Variants in RANBP2 observed in about 807,000 individuals in gnomAD.
RANBP2 encodes the protein E3 SUMO-protein ligase RanBP2.
Under a neutral mutation model 303.6 loss-of-function variants are expected in RANBP2, and 57 were observed. The observed-to-expected ratio is 0.19, with a 90% CI of 0.15 to 0.23. The LOEUF (loss-of-function observed/expected upper bound fraction) is 0.23. RANBP2 is among the 10% of genes least tolerant of loss of function. The pLI, the probability that RANBP2 is intolerant of heterozygous loss-of-function variation, is 1.00. For synonymous variants in RANBP2, 1,167 were observed against 1,301.5 expected (o/e 0.90, Z 2.23); for missense variants, 3,138 against 3,780.8 (o/e 0.83, Z 4.46).
At chr2:109,210,687 C>T in the RANBP2 span, among the ~76,000 whole-genome samples, 1 of 152,066 alleles carries the variant, frequency 6.6e-6, no homozygotes, top group Non-Finnish European at 1.5e-5. Flanking sequence ...GTGGGAGGCC[C>T]AGGAAGGAGG....
At chr2:109,544,903 C>T in the RANBP2 span, 1 of 940,650 alleles carries the variant, frequency 1.1e-6, no homozygotes, top group Non-Finnish European at 1.3e-6. Flanking sequence ...AAAGATCATA[C>T]ATGAGAATTC....
the RANBP2 span, among the ~76,000 whole-genome samples, chr2:108,968,226 C>T: frequency 6.6e-6 from 1 of 152,094 alleles, no homozygotes; most frequent in African/African-American, 2.4e-5. Flanking sequence ...CGCCAGAGAG[C>T]CTGTTGGAAA....
chr2:109,085,770 T>C, the RANBP2 span, among the ~76,000 whole-genome samples: 3 of 152,052 alleles, frequency 2.0e-5, no homozygotes, highest in East Asian at 5.8e-4. Flanking sequence ...CTGGCTAATT[T>C]TTTTATTTTT....
At chr2:109,677,089 G>A in the RANBP2 span, among the ~76,000 whole-genome samples, 2 of 152,080 alleles carry the variant, frequency 1.3e-5, no homozygotes, top group African/African-American at 2.4e-5. Context: ...CCCTTTGTTT[G>A]GCTGGAGCCC....
At chr2:109,371,739 C>T in the RANBP2 span, 9 of 1,461,710 alleles carry the variant, frequency 6.2e-6, no homozygotes, top group Non-Finnish European at 8.5e-6. Flanking sequence ...TGTTTCACTA[C>T]AGTGGGGTCA....
At chr2:109,679,258 G>A in the RANBP2 span, among the ~76,000 whole-genome samples, 1 of 152,212 alleles carries the variant, frequency 6.6e-6, no homozygotes, top group African/African-American at 2.4e-5. Context: ...TTTGACCGTG[G>A]CAGGGAACTG....
chr2:108,787,217 T>C (rs1388823898), downstream of RANBP2, among the ~76,000 whole-genome samples: 1 of 152,212 alleles, frequency 6.6e-6, no homozygotes, highest in East Asian at 1.9e-4. Context: ...GTGAAAACAA[T>C]TGAATTGCTT....
chr2:108,949,039 C>A, the RANBP2 span, among the ~76,000 whole-genome samples: 1 of 152,198 alleles, frequency 6.6e-6, no homozygotes, highest in African/African-American at 2.4e-5. Flanking sequence ...TGCAGTGGTA[C>A]AATCATGGCT....
At chr2:109,630,282 T>A in the RANBP2 span, among the ~76,000 whole-genome samples, 1 of 151,948 alleles carries the variant, frequency 6.6e-6, no homozygotes, top group East Asian at 1.9e-4. Context: ...CAGGCTCAGG[T>A]TGGAGCATGC....
At chr2:109,420,003 G>A in the RANBP2 span, among the ~76,000 whole-genome samples, 6 of 152,192 alleles carry the variant, frequency 3.9e-5, no homozygotes, top group African/African-American at 9.7e-5. Context: ...GCAGAGCAGC[G>A]GGTAGTCTAG....
chr2:108,980,126 G>C, the RANBP2 span, among the ~76,000 whole-genome samples: 1 of 149,630 alleles, frequency 6.7e-6, no homozygotes, highest in African/African-American at 2.5e-5. Flanking sequence ...CGGGTGGGGG[G>C]CTGGGCAAGT....
intron 19 of RANBP2, among the ~76,000 whole-genome samples, chr2:108,762,876 C>T (rs1676831131): frequency 6.6e-6 from 1 of 151,962 alleles, no homozygotes; most frequent in Admixed American, 6.6e-5. Context: ...TATTTTATGA[C>T]TTTAGCTGTA....
the RANBP2 span, chr2:108,930,093 C>G: frequency 6.2e-7 from 1 of 1,605,976 alleles, no homozygotes; most frequent in Non-Finnish European, 8.5e-7. Flanking sequence ...GAGAGCGCAC[C>G]AGGCTCCAGG....
the RANBP2 span, among the ~76,000 whole-genome samples, chr2:109,096,019 G>A: frequency 6.6e-6 from 1 of 152,150 alleles, no homozygotes; most frequent in Non-Finnish European, 1.5e-5. Context: ...TCTCCTACCA[G>A]AGTAAAGGTT....
intron 1 of RANBP2, among the ~76,000 whole-genome samples, chr2:108,722,906 GAA>G (rs997516442): frequency 7.2e-6 from 1 of 138,394 alleles, no homozygotes; most frequent in South Asian, 2.4e-4. Context: ...AAGAAAAAAA[GAA>G]AAAAAAATAT....
chr2:109,423,853 C>T, the RANBP2 span, among the ~76,000 whole-genome samples: 1 of 152,260 alleles, frequency 6.6e-6, no homozygotes, highest in Admixed American at 6.5e-5. Flanking sequence ...CATCCCCACC[C>T]CTGCCGCCTG....
the RANBP2 span, chr2:109,567,771 AT>A: frequency 6.6e-7 from 1 of 1,519,278 alleles, no homozygotes; most frequent in Non-Finnish European, 8.9e-7. Context: ...TTACAGTTTT[AT>A]TTTCACATGG....
chr2:109,263,089 A>G, the RANBP2 span, among the ~76,000 whole-genome samples: 10 of 151,850 alleles, frequency 6.6e-5, no homozygotes, highest in African/African-American at 2.2e-4. Context: ...TAGGTAATTC[A>G]CCCACCTCGG....
At chr2:109,700,341 C>T in the RANBP2 span, among the ~76,000 whole-genome samples, 3 of 152,112 alleles carry the variant, frequency 2.0e-5, no homozygotes, top group Non-Finnish European at 4.4e-5. Flanking sequence ...TGATGACGTA[C>T]CTAAGGTGGT....
Sources: gnomAD v4.1 joint callset for allele counts (sites outside exome capture counted in the v4.1 genomes callset) on GRCh38, gnomAD v4.1.1 for gene constraint, MANE v1.5 for transcripts, NCBI Gene and HGNC (gene_info 2026-07-23, HGNC 2026-07-21) for gene names.